Variants in ZNF33B observed in about 807,000 individuals in gnomAD.
ZNF33B encodes zinc finger protein 33B.
In ZNF33B, 29 loss-of-function variants were observed where a neutral mutation model predicts 45.8. The observed-to-expected ratio is 0.63, with a 90% CI of 0.47 to 0.86. ZNF33B has a LOEUF of 0.86. Among genes scored for constraint, ZNF33B ranks in the 40% least tolerant of loss-of-function variants. ZNF33B has a pLI of 0.00. For missense variants in ZNF33B, 831 were observed against 909.9 expected (o/e 0.91, Z 1.12); for synonymous variants, 305 against 307.8 (o/e 0.99, Z 0.10).
chr10:42,621,159 CA>C (rs34634412), intron 4 of ZNF33B, among the ~76,000 whole-genome samples: 69,747 of 126,592 alleles, frequency 0.55, 18,440 homozygotes, highest in East Asian at 0.79. Context: ...CTGTTTCCAC[CA>C]AAAAAAAAAA....
chr10:42,624,116 A>G (rs1589062450), intron 4 of ZNF33B, among the ~76,000 whole-genome samples: 2 of 152,206 alleles, frequency 1.3e-5, no homozygotes, highest in African/African-American at 4.8e-5. Context: ...CCTTTCCTCT[A>G]CGCACATGGA....
downstream of ZNF33B, among the ~76,000 whole-genome samples, chr10:42,587,396 C>T (rs556747892): frequency 3.9e-5 from 6 of 152,174 alleles, no homozygotes; most frequent in East Asian, 9.7e-4. Context: ...GGGGTTTCAC[C>T]ATATTGGCCA....
chr10:42,593,469 T>C lies in ZNF33B; in HGVS notation c.1481A>G (p.Asp494Gly). ...LTQHQRTHIG[D>G]KPYECNACGK... ...ACATGCATTACATTCATAAGGTTTA[T>C]CTCCTATGTGAGTTCTCTGATGCTG... Residue 494 changes from aspartate (D) to glycine (G), a missense_variant, in exon 5 of 5, where the codon GAT (aspartate) becomes GGT (glycine). Coordinates refer to ENST00000359467, the MANE Select transcript of ZNF33B (RefSeq NM_006955.3). 1.2e-6 allele frequency: 2 copies of C among 1,614,120 alleles called. No homozygotes were observed.
At chr10:42,581,456 A>G (rs1257841790) in intron 1 of ZNF33B, 1 of 135,568 alleles carries the variant, frequency 7.4e-6, no homozygotes, top group African/African-American at 3.0e-5. Flanking sequence ...AAGAGTGAAA[A>G]TCTGTCTCAA....
rs59259404 is a variant in ZNF33B, at chr10:42,612,233, A to ATTT, written c.251-17537_251-17535dup. On this transcript the variant is annotated intron_variant, in intron 4 of 4. Coordinates refer to ENST00000359467, the MANE Select transcript of ZNF33B (RefSeq NM_006955.3). ...TTGACGTGGCAGGTTACAGAAGTTG[A>ATTT]TTTTTTTTTTTTTTTTTTTTGAGAC... Among the ~76,000 whole-genome samples the ATTT allele has an allele frequency of 3.3e-3, 392 of 119,302 alleles. 17 individuals are homozygous for ATTT. The highest frequency in any genetic ancestry group is 0.01 in the African/African-American group (313 of 30,350). 78.3% of individuals were successfully genotyped at this position (119,302 alleles called of 152,430 possible). A position where few individuals can be genotyped will look rare whatever the true frequency, so the allele number is the denominator to read the frequency against.
At chr10:42,626,916 G>A (rs1838834426) in intron 4 of ZNF33B, among the ~76,000 whole-genome samples, 1 of 151,878 alleles carries the variant, frequency 6.6e-6, no homozygotes, top group Admixed American at 6.6e-5. Context: ...GAAAACCTAT[G>A]GGTCATTCAA....
rs144756769 is a variant in ZNF33B at position 42,632,713 on chromosome 10, T to C, written c.10-274A>G. ...GAACACACAGAGTGGTAAGAAAATA[T>C]ACATGGTAACATGTTGCAAGTACTA... On this transcript the variant is annotated intron_variant, in intron 2 of 4. Coordinates refer to ENST00000359467, the MANE Select transcript of ZNF33B (RefSeq NM_006955.3). 2.6e-5 allele frequency among the ~76,000 whole-genome samples: 4 copies of C among 152,290 alleles called. No homozygotes were observed. The East Asian group carries it at 7.7e-4, about 29-fold the overall frequency.
At chr10:42,621,518 T>C (rs1589059092) in intron 4 of ZNF33B, among the ~76,000 whole-genome samples, 1 of 151,970 alleles carries the variant, frequency 6.6e-6, no homozygotes, top group African/African-American at 2.4e-5. Context: ...GCCTGTGTGG[T>C]TCAACATAAG....
chr10:42,615,906 CA>C (rs34562736), intron 4 of ZNF33B, among the ~76,000 whole-genome samples: 81,005 of 151,580 alleles, frequency 0.53, 22,062 homozygotes, highest in African/African-American at 0.65. Context: ...GCCTGAGAGA[CA>C]AGAGTAAGAT....
Position 42,625,501 on chromosome 10 carries a change from C to T in ZNF33B, c.250+6428G>A, listed in dbSNP as rs567981481. Among the ~76,000 whole-genome samples the T allele has an allele frequency of 1.1e-4, 17 of 152,000 alleles. No individual in the cohort carries two copies. The South Asian group carries it at 1.9e-3, about 17-fold the overall frequency. On this transcript the variant is annotated intron_variant, in intron 4 of 4. Coordinates refer to ENST00000359467, the MANE Select transcript of ZNF33B (RefSeq NM_006955.3). Reference sequence around the variant, plus strand: ...CTTTTCTTTTTTTTTGTTTTTGAGACGGAGTTTCACTCTTGTTGCCCAGGC... The same window carrying T: ...CTTTTCTTTTTTTTTGTTTTTGAGATGGAGTTTCACTCTTGTTGCCCAGGC...
At chr10:42,624,307 A>C (rs926149276) in intron 4 of ZNF33B, among the ~76,000 whole-genome samples, 2 of 152,210 alleles carry the variant, frequency 1.3e-5, no homozygotes, top group Admixed American at 6.5e-5. Flanking sequence ...TACAGTCTAT[A>C]ACAGCATAAT....
At chr10:42,616,741 G>A (rs1248820650) in intron 4 of ZNF33B, among the ~76,000 whole-genome samples, 3 of 152,132 alleles carry the variant, frequency 2.0e-5, no homozygotes, top group Admixed American at 6.5e-5. Context: ...CTGTCGCCAG[G>A]CTGGAGTGTC....
intron 4 of ZNF33B, among the ~76,000 whole-genome samples, chr10:42,612,258 CAG>C (rs1176969050): frequency 1.9e-5 from 2 of 106,800 alleles, no homozygotes; most frequent in Admixed American, 1.3e-4. Context: ...TTTTTTGAGA[CAG>C]AGTCTTGCTC....
At position 42,593,609 on chromosome 10, in the gene ZNF33B, T is replaced by C. The variant is rs1215155532; in HGVS notation, c.1341A>G (p.Gly447=). 1.2e-6 allele frequency: 2 copies of C among 1,613,986 alleles called. No individual in the cohort carries two copies. The highest frequency in any genetic ancestry group is 2.2e-5 in the East Asian group (1 of 44,864). The change falls in exon 5 of 5, where the codon GGA becomes GGG. Residue 447 remains glycine (G), a synonymous_variant. Transcript: ENST00000359467. ...GQKPYECYEC[G]KSFCMNSHLT... is the part of the protein sequence containing the mutation. ...GGTGTGAATTCATACAGAAGGATTT[T>C]CCACATTCATAACATTCATAGGGTT... is the stretch of plus-strand genomic sequence containing the variant.
chr10:42,579,032 T>A (rs1836786229), intron 1 of ZNF33B, among the ~76,000 whole-genome samples: 1 of 152,162 alleles, frequency 6.6e-6, no homozygotes, highest in African/African-American at 2.4e-5. Flanking sequence ...CAACAGATCT[T>A]GACACCCCTG....
intron 1 of ZNF33B, among the ~76,000 whole-genome samples, chr10:42,577,132 CAAA>C (rs71014272): frequency 0.048 from 3,916 of 81,438 alleles, 79 homozygotes; most frequent in Admixed American, 0.15. Flanking sequence ...GACTCCATCT[CAAA>C]AAAAAAAAAA....
intron 4 of ZNF33B, among the ~76,000 whole-genome samples, chr10:42,623,046 C>T (rs906054291): frequency 6.6e-6 from 1 of 152,126 alleles, no homozygotes; most frequent in Non-Finnish European, 1.5e-5. Context: ...GGTGGGTGAT[C>T]ACCTGAGGTC....
intron 4 of ZNF33B, among the ~76,000 whole-genome samples, chr10:42,601,928 T>C (rs1440024029): frequency 1.4e-5 from 2 of 146,642 alleles, no homozygotes; most frequent in Non-Finnish European, 3.0e-5. Flanking sequence ...TTTTTTTTTT[T>C]TTGGGGGGAG....
intron 2 of ZNF33B, among the ~76,000 whole-genome samples, chr10:42,636,259 C>A (rs1338828983): frequency 6.6e-6 from 1 of 152,200 alleles, no homozygotes; most frequent in African/African-American, 2.4e-5. Flanking sequence ...ATAGGCTGCA[C>A]TCATTTCAGG....
Sources: allele counts gnomAD v4.1 joint callset (sites outside exome capture counted in the v4.1 genomes callset), GRCh38; gene constraint gnomAD v4.1.1; transcripts MANE v1.5; gene names NCBI Gene and HGNC (gene_info 2026-07-23, HGNC 2026-07-21).